Variants in PREP observed in about 807,000 individuals in gnomAD.
PREP encodes the protein dJ355L5.1 (prolyl endopeptidase).
Under a neutral mutation model 87.6 loss-of-function variants are expected in PREP, and 29 were observed. The observed-to-expected ratio is 0.33, with a 90% CI of 0.25 to 0.45. PREP has a LOEUF of 0.45. PREP is among the 20% of genes least tolerant of loss of function. The probability of loss-of-function intolerance (pLI) is 1.00; values close to 1 mark genes in which losing one functional copy is unlikely to be tolerated. For missense variants in PREP, 695 were observed against 886.5 expected, an observed-to-expected ratio of 0.78 and a Z score of 2.74; for synonymous variants, 337 against 328.6, an observed-to-expected ratio of 1.03 and a Z score of -0.28.
intron 6 of PREP, among the ~76,000 whole-genome samples, chr6:105,359,889 T>C (rs1772200549): frequency 6.6e-6 from 1 of 152,192 alleles, no homozygotes; most frequent in African/African-American, 2.4e-5. Context: ...GTTCTCCCTC[T>C]GCTGCGATCG....
chr6:105,356,653 T>C (rs191458387), intron 6 of PREP, among the ~76,000 whole-genome samples: 2 of 152,218 alleles, frequency 1.3e-5, no homozygotes, highest in African/African-American at 4.8e-5. Flanking sequence ...AAAAAATAAC[T>C]CCAGGCAGAA....
rs368281704 is a variant in PREP, at chr6:105,278,173, G to A, written c.2104C>T (p.Arg702Trp). 3.5e-5 allele frequency: 57 copies of A among 1,613,124 alleles called. No homozygotes were observed. The highest frequency in any genetic ancestry group is 4.2e-5 in the Non-Finnish European group (49 of 1,179,358). Residue 702 changes from arginine (R) to tryptophan (W), a missense_variant, in exon 15 of 15, where the codon CGG becomes TGG. Arg to Trp is a moderately radical substitution (Grantham distance 101). Coordinates refer to ENST00000652536, the MANE Select transcript of PREP (RefSeq NM_002726.5). This position sits in a 1 kb window ranked among gnomAD's most constrained non-coding sequence, Gnocchi z 4.2. ...EVSDMFAFIA[R>W]CLNVDWIP is the part of the protein sequence containing the mutation. ...GGAATCCAGTCGACGTTCAGGCACC[G>A]CGCGATGAACGCAAACATGTCTGAG...
intron 9 of PREP, among the ~76,000 whole-genome samples, chr6:105,324,108 C>T (rs1437771105): frequency 6.6e-6 from 1 of 152,122 alleles, no homozygotes; most frequent in Non-Finnish European, 1.5e-5. Context: ...ACTCGTCTTC[C>T]CCAAGCTGGG....
chr6:105,290,857 A>G (rs139251473), intron 10 of PREP, among the ~76,000 whole-genome samples: 40 of 152,352 alleles, frequency 2.6e-4, no homozygotes, highest in African/African-American at 8.9e-4. Flanking sequence ...TCCAAAATGA[A>G]AGGACATTGT....
In PREP at chr6:105,281,547, C is replaced by T. The variant is rs192500210; in HGVS notation, c.1838+199G>A. On this transcript the variant is annotated intron_variant, in intron 14 of 14. Transcript: ENST00000652536. Reference sequence around the variant, plus strand: ...CCATCTGTAGAATTCTGCCCTACCACATTTTTTGTAGTTTGTTGCTTTTGT... The same window carrying T: ...CCATCTGTAGAATTCTGCCCTACCATATTTTTTGTAGTTTGTTGCTTTTGT... 8.4e-6 allele frequency: 5 copies of T among 598,748 alleles called. No individual in the cohort carries two copies. In the Admixed American group the frequency reaches 1.1e-4, roughly 13 times the overall value. 37.1% of individuals were successfully genotyped at this position (598,748 alleles called of 1,614,324 possible).
rs1289945280 is a variant in PREP at position 105,277,211 on chromosome 6, G to C, written c.*933C>G. Among the ~76,000 whole-genome samples the C allele has an allele frequency of 6.8e-6, 1 of 147,218 alleles. No homozygotes were observed. Among genetic ancestry groups the C allele is most frequent in the African/African-American group, 2.7e-5 (1 of 37,392 alleles). On this transcript the variant is annotated 3_prime_UTR_variant, in exon 15 of 15. Transcript: ENST00000652536. ...TAAGTATGACTATTTCTATTTCCAG[G>C]AGTGATCTATGCAGGAGAAACAGCT...
intron 10 of PREP, among the ~76,000 whole-genome samples, chr6:105,294,541 C>G (rs1050244517): frequency 6.6e-6 from 1 of 152,192 alleles, no homozygotes; most frequent in African/African-American, 2.4e-5. Flanking sequence ...TCCACCCTAC[C>G]CTAGCCGCTG....
rs552319362 is a variant in PREP, at chr6:105,356,880, C to T, written c.718-3803G>A. Among the ~76,000 whole-genome samples the T allele has an allele frequency of 2.0e-5, 3 of 152,294 alleles. 1 individual carries two copies. In the South Asian group the frequency reaches 6.2e-4, roughly 32 times the overall value. ...CTTGCAAATGAACACAATTTGAACA[C>T]ATCTAGTCTTTAAAATCCAATCTAA... On this transcript the variant is annotated intron_variant, in intron 6 of 14. Coordinates refer to ENST00000652536, the MANE Select transcript of PREP (RefSeq NM_002726.5).
At chr6:105,374,026 T>C (rs1281565606) in intron 4 of PREP, among the ~76,000 whole-genome samples, 3 of 152,216 alleles carry the variant, frequency 2.0e-5, no homozygotes, top group Non-Finnish European at 4.4e-5. Flanking sequence ...ATTAGGTAAT[T>C]TGGGAGATTG....
In PREP at chr6:105,287,520, A is replaced by G. The variant is rs148931177; in HGVS notation, c.1454+1238T>C. 3.2e-3 allele frequency among the ~76,000 whole-genome samples: 494 copies of G among 152,370 alleles called. 3 individuals are homozygous for G. Among genetic ancestry groups the G allele is most frequent in the Non-Finnish European group, 4.5e-3 (305 of 68,034 alleles). ...GATATTCGAGGTCTACAATTTCATT[A>G]TAAATCACTTGAGGGCAGGCATCAT... On this transcript the variant is annotated intron_variant, in intron 11 of 14. Transcript: ENST00000652536.
intron 10 of PREP, among the ~76,000 whole-genome samples, chr6:105,320,642 A>G (rs570833261): frequency 1.8e-4 from 27 of 152,340 alleles, no homozygotes; most frequent in Non-Finnish European, 3.2e-4. Flanking sequence ...TCTGTGCTGC[A>G]GTATTCACAT....
chr6:105,339,390 A>C (rs539057616), intron 7 of PREP, among the ~76,000 whole-genome samples: 1 of 151,856 alleles, frequency 6.6e-6, no homozygotes, highest in South Asian at 2.1e-4. Context: ...CGTCACCATC[A>C]TCAAAGACAA....
At chr6:105,294,235 T>C (rs1770360546) in intron 10 of PREP, among the ~76,000 whole-genome samples, 1 of 152,234 alleles carries the variant, frequency 6.6e-6, no homozygotes, top group African/African-American at 2.4e-5. Flanking sequence ...ACGACAGGTC[T>C]AGGGCAGAGC....
At chr6:105,362,331 T>G (rs11754311) in intron 6 of PREP, among the ~76,000 whole-genome samples, 20,753 of 152,098 alleles carry the variant, frequency 0.14, 2,492 homozygotes, top group African/African-American at 0.33. Context: ...CTTGGTGGCG[T>G]ACGCCTTTAA....
At chr6:105,397,069 C>T (rs969090682) in intron 2 of PREP, among the ~76,000 whole-genome samples, 1 of 151,614 alleles carries the variant, frequency 6.6e-6, no homozygotes, top group Non-Finnish European at 1.5e-5. Flanking sequence ...CCTGTAATCC[C>T]AGCTACTCGG....
intron 9 of PREP, among the ~76,000 whole-genome samples, chr6:105,326,923 G>A (rs1771174967): frequency 6.6e-6 from 1 of 152,168 alleles, no homozygotes; most frequent in Admixed American, 6.5e-5. Flanking sequence ...CACAGCCACA[G>A]TCACGGGTAA....
At chr6:105,391,592 G>C (rs1246835461) in intron 2 of PREP, among the ~76,000 whole-genome samples, 2 of 152,186 alleles carry the variant, frequency 1.3e-5, no homozygotes, top group Non-Finnish European at 2.9e-5. Context: ...TTATGCTAAT[G>C]GGAGATGTTA....
chr6:105,280,034 A>G (rs1184646756), intron 14 of PREP, among the ~76,000 whole-genome samples: 1 of 152,228 alleles, frequency 6.6e-6, no homozygotes, highest in African/African-American at 2.4e-5. Context: ...CCCTTAGAGA[A>G]TAGAGTTTAG....
At chr6:105,349,403 A>G (rs558662191) in intron 7 of PREP, among the ~76,000 whole-genome samples, 5 of 152,106 alleles carry the variant, frequency 3.3e-5, no homozygotes, top group African/African-American at 9.7e-5. Flanking sequence ...AGTTGCTAAG[A>G]TATTTTCTAT....
Sources: allele counts gnomAD v4.1 joint callset (sites outside exome capture counted in the v4.1 genomes callset), GRCh38; gene constraint gnomAD v4.1.1; non-coding constraint Gnocchi (gnomAD v3.1); transcripts MANE v1.5; gene names NCBI Gene and HGNC (gene_info 2026-07-23, HGNC 2026-07-21).